GREB1: variants seen among roughly 807,000 people sequenced by gnomAD.
GREB1 encodes the protein growth regulating estrogen receptor binding 1, also known as protein GREB1.
Under a neutral mutation model 200.7 loss-of-function variants are expected in GREB1, and 106 were observed. The ratio of observed to expected loss-of-function variants is 0.53; its 90% CI spans 0.45 to 0.62. The LOEUF (loss-of-function observed/expected upper bound fraction) is 0.62. Among genes scored for constraint, GREB1 ranks in the 20% least tolerant of loss-of-function variants. GREB1 has a pLI of 0.00. For synonymous variants in GREB1, 1,132 were observed against 1,092.4 expected (o/e 1.04, Z -0.72); for missense variants, 2,243 against 2,556.8 (o/e 0.88, Z 2.65).
At position 11,500,406 on chromosome 2, in the gene GREB1, G is replaced by A. The variant is rs200206247; in HGVS notation, c.-159+18025G>A. Among the ~76,000 whole-genome samples, 17 of 151,936 alleles carry A rather than the reference G, an allele frequency of 1.1e-4. No homozygotes were observed. In the East Asian group the frequency reaches 2.1e-3, roughly 19 times the overall value. On this transcript the variant is annotated intron_variant, in intron 1 of 2. Transcript: ENST00000628795. ...ACTCCTGACCTCAGGTGATCTGCTC[G>A]CCTCGGACTCCCAAAGTGCTGGGAT...
At chr2:11,524,766 C>T (rs562165048) in intron 1 of GREB1, among the ~76,000 whole-genome samples, 1 of 152,216 alleles carries the variant, frequency 6.6e-6, no homozygotes, top group Admixed American at 6.5e-5. Context: ...TCCATCCCCC[C>T]ACTTCCTGGC....
intron 1 of GREB1, among the ~76,000 whole-genome samples, chr2:11,495,837 G>C (rs941876845): frequency 4.4e-4 from 63 of 142,096 alleles, no homozygotes; most frequent in Non-Finnish European, 4.8e-4. Flanking sequence ...TTTCGGTGTT[G>C]CAGAACTCGA....
intron 1 of GREB1, among the ~76,000 whole-genome samples, chr2:11,490,412 A>G (rs535639024): frequency 6.6e-6 from 1 of 152,364 alleles, no homozygotes; most frequent in African/African-American, 2.4e-5. Flanking sequence ...TGGCTGAATA[A>G]TATTCCATTG....
In GREB1 at chr2:11,569,743, G is replaced by A. The variant is rs982901144; in HGVS notation, c.454+3087G>A. Among the ~76,000 whole-genome samples the A allele has an allele frequency of 3.9e-5, 6 of 152,224 alleles. No homozygotes were observed. In the East Asian group the frequency reaches 9.6e-4, roughly 24 times the overall value. On this transcript the variant is annotated intron_variant, in intron 4 of 32. Transcript: ENST00000381486. The stretch of plus-strand genomic sequence containing the variant: ...AGGGCCACCCTGCTGTTTGAACCCC[G>A]AGGGTCTGGCCCTGGTGCCCAGGTC...
intron 4 of GREB1, among the ~76,000 whole-genome samples, chr2:11,574,562 G>A (rs1678648389): frequency 6.6e-6 from 1 of 152,176 alleles, no homozygotes; most frequent in Admixed American, 6.5e-5. Context: ...GGAAGGACAG[G>A]AATAAAGCTG....
chr2:11,576,298 A>C, intron 4 of GREB1, 55 bp from the exon 5 acceptor site: 8 of 1,390,934 alleles, frequency 5.8e-6, no homozygotes, highest in South Asian at 1.3e-5. Flanking sequence ...CAAGAACGAG[A>C]CTTCATCTCA....
chr2:11,484,830 T>A (rs1381462926), intron 1 of GREB1, among the ~76,000 whole-genome samples: 1 of 152,152 alleles, frequency 6.6e-6, no homozygotes, highest in Non-Finnish European at 1.5e-5. Flanking sequence ...TTGCAGATGG[T>A]TTAAATAGTT....
chr2:11,515,577 T>C (rs1673470091), intron 1 of GREB1, among the ~76,000 whole-genome samples: 1 of 151,582 alleles, frequency 6.6e-6, no homozygotes, highest in Non-Finnish European at 1.5e-5. Context: ...GATGTGAGGC[T>C]CTCCCTGGGA....
rs1572654738 is a variant in GREB1 at position 11,548,738 on chromosome 2, C to G, written c.-161-7716C>G. On this transcript the variant is annotated intron_variant, in intron 1 of 32. Coordinates refer to ENST00000381486, the MANE Select transcript of GREB1 (RefSeq NM_014668.4). The surrounding 1 kb of genome is among the most constrained non-coding windows in gnomAD (Gnocchi z 5.1). The stretch of plus-strand genomic sequence containing the variant: ...CTCCTTCTACCCTCTGTTGGATCCC[C>G]CATCCTGGCCCCCTGGCTTCACAAT... Among the ~76,000 whole-genome samples, 2 of 152,220 alleles carry G rather than the reference C, an allele frequency of 1.3e-5. No individual in the cohort carries two copies. The highest frequency in any genetic ancestry group is 6.5e-5 in the Admixed American group (1 of 15,292).
In GREB1 at chr2:11,578,399, A is replaced by AC. The variant is rs776333211; in HGVS notation, c.744dup (p.Ser249GlnfsTer14). 1 of 1,613,764 alleles carries AC rather than the reference A, an allele frequency of 6.2e-7. No individual in the cohort carries two copies. On this transcript the variant is annotated frameshift_variant, in exon 6 of 33. Transcript: ENST00000381486. LOFTEE classifies it high-confidence loss of function. Reference sequence around the variant, plus strand: ...CCCAGCGAGCCCGTTCCTGGGACGAACCCCAGCATCCTGATGGGAGCTCAG... The same window carrying AC: ...CCCAGCGAGCCCGTTCCTGGGACGAACCCCCAGCATCCTGATGGGAGCTCAG...
At chr2:11,540,719 T>C (rs1024029983) in intron 1 of GREB1, 12 of 154,346 alleles carry the variant, frequency 7.8e-5, no homozygotes, top group African/African-American at 2.9e-4. Context: ...CTAGGGAAAA[T>C]CGGAGAAATC....
In GREB1 at chr2:11,632,908, C is replaced by A. The variant is rs751125736; in HGVS notation, c.4836C>A (p.Ile1612=). The A allele has an allele frequency of 2.5e-6, 4 of 1,613,874 alleles. No homozygotes were observed. In the African/African-American group the frequency reaches 5.3e-5, roughly 22 times the overall value. ...CTGCAGGTGCTGCTCATTTCCTCAT[C>A]AAGGAGCTGTCCTACCATAACCTGG... ...SAGVGAAHFL[I]KELSYHNLEL... The change falls in exon 28 of 33, where the codon ATC becomes ATA. Residue 1612 remains isoleucine, a synonymous_variant. Coordinates refer to ENST00000381486, the MANE Select transcript of GREB1 (RefSeq NM_014668.4).
At chr2:11,535,677 G>A (rs1025257697) in intron 1 of GREB1, among the ~76,000 whole-genome samples, 11 of 152,284 alleles carry the variant, frequency 7.2e-5, no homozygotes, top group African/African-American at 2.6e-4. Context: ...GAGAGTCTAG[G>A]ATTCGGTGAT....
chr2:11,496,061 C>T (rs73917229), intron 1 of GREB1, among the ~76,000 whole-genome samples: 3,093 of 152,252 alleles, frequency 0.02, 58 homozygotes, highest in African/African-American at 0.054. Flanking sequence ...GAAGCTGGCT[C>T]TCCTTATCCG....
Position 11,492,573 on chromosome 2 carries a change from C to G in GREB1, c.-159+10192C>G, listed in dbSNP as rs1360083843. On this transcript the variant is annotated intron_variant, in intron 1 of 2. Transcript: ENST00000628795. This position sits in a 1 kb window ranked among gnomAD's most constrained non-coding sequence, Gnocchi z 4.0. Reference sequence around the variant, plus strand: ...TGTGAGACCCTGACCTGGGTCCCCCCTGAGCTGAGTTCCCACTCACTGGGG... The same window carrying G: ...TGTGAGACCCTGACCTGGGTCCCCCGTGAGCTGAGTTCCCACTCACTGGGG... 6.6e-6 allele frequency among the ~76,000 whole-genome samples: 1 copy of G among 152,202 alleles called. No homozygotes were observed. Among genetic ancestry groups the G allele is most frequent in the Admixed American group, 6.5e-5 (1 of 15,284 alleles).
At chr2:11,631,414 A>G (rs1684865675) in intron 26 of GREB1, among the ~76,000 whole-genome samples, 1 of 152,216 alleles carries the variant, frequency 6.6e-6, no homozygotes, top group South Asian at 2.1e-4. Flanking sequence ...TGAGAGGGTA[A>G]TGAATTTGGT....
chr2:11,524,779 G>C (rs1160557128), intron 1 of GREB1, among the ~76,000 whole-genome samples: 1 of 152,170 alleles, frequency 6.6e-6, no homozygotes, highest in Non-Finnish European at 1.5e-5. Flanking sequence ...TTCCTGGCTA[G>C]CAGAACTCTG....
chr2:11,611,093 A>G (rs1453914676), intron 18 of GREB1, 66 bp downstream of exon 18: 1 of 1,324,702 alleles, frequency 7.5e-7, no homozygotes, highest in Non-Finnish European at 1.0e-6. Flanking sequence ...GGGGCCCACC[A>G]GAGGCAGGGA....
intron 1 of GREB1, among the ~76,000 whole-genome samples, chr2:11,501,893 C>CT: frequency 1.4e-5 from 1 of 70,084 alleles, no homozygotes. Context: ...CCTGGATTTC[C>CT]TGTTTTTTTT....
Sources: gnomAD v4.1 joint callset for allele counts (sites outside exome capture counted in the v4.1 genomes callset) on GRCh38, gnomAD v4.1.1 for gene constraint, Gnocchi (gnomAD v3.1) non-coding constraint, MANE v1.5 for transcripts, NCBI Gene and HGNC (gene_info 2026-07-23, HGNC 2026-07-21) for gene names.